RBM41: variants seen among roughly 807,000 people sequenced by gnomAD.
RBM41 encodes RNA binding motif protein 41, also known as RNA-binding protein 41.
Under a neutral mutation model 30.8 loss-of-function variants are expected in RBM41, and 14 were observed. That is an observed-to-expected ratio of 0.45 (90% CI 0.30 to 0.71). RBM41 has a LOEUF of 0.71. RBM41 is among the 30% of genes least tolerant of loss of function. The pLI is 0.08. For synonymous variants in RBM41, 120 were observed against 110.1 expected, an observed-to-expected ratio of 1.09 and a Z score of -0.56; for missense variants, 276 against 326.3, an observed-to-expected ratio of 0.85 and a Z score of 1.19.
At chrX:107,078,261 C>T (rs1409568781) in intron 6 of RBM41, among the ~76,000 whole-genome samples, 1 of 111,534 alleles carries the variant, frequency 9.0e-6, no homozygotes, top group Non-Finnish European at 1.9e-5. Flanking sequence ...TTCCTGCTTT[C>T]TCTTCCTGTA....
chrX:107,060,351 A>G (rs896499717), downstream of RBM41, among the ~76,000 whole-genome samples: 2 of 110,510 alleles, frequency 1.8e-5, no homozygotes, highest in African/African-American at 6.6e-5. Flanking sequence ...GATAGTATTA[A>G]GTGGTGGGTC....
rs1275695777 is a variant in RBM41, at chrX:107,105,456, C to T, written c.595+7941G>A. Among the ~76,000 whole-genome samples the T allele has an allele frequency of 2.8e-5, 3 of 107,141 alleles. No individual in the cohort carries two copies. The East Asian group carries it at 8.8e-4, about 31-fold the overall frequency. The allele number at this position is 107,141 out of a possible 115,157, so 93.0% of individuals were successfully genotyped here. On this transcript the variant is annotated intron_variant, in intron 5 of 7. Transcript: ENST00000685964. ...TGGCCATACTGCCCAAGGTAATTTA[C>T]AGATTCAATGCCATCCCCATCAAGC...
At chrX:107,109,116 G>A (rs1488746888) in intron 5 of RBM41, among the ~76,000 whole-genome samples, 4 of 110,809 alleles carry the variant, frequency 3.6e-5, no homozygotes, top group Non-Finnish European at 7.6e-5. Flanking sequence ...AGTAAAAGAG[G>A]CAAGAAGTTA....
chrX:107,110,472 C>T (rs898654159), intron 5 of RBM41, among the ~76,000 whole-genome samples: 12 of 111,262 alleles, frequency 1.1e-4, no homozygotes, highest in Admixed American at 2.9e-4. Flanking sequence ...ATAGACATCC[C>T]ATGTTCATGA....
At position 107,062,757 on chromosome X, in the gene RBM41, CTA is replaced by C. The variant is rs1479480367; in HGVS notation, c.*4768_*4769del. On this transcript the variant is annotated 3_prime_UTR_variant, in exon 8 of 8. Transcript: ENST00000685964. ...CCCACTTCCAAAGGTTTATAACTTT[CTA>C]TGTCTATTTCCCAGCTTTTTCTTAA... Among the ~76,000 whole-genome samples, 5 of 111,910 alleles carry C rather than the reference CTA, an allele frequency of 4.5e-5. No homozygotes were observed. Among genetic ancestry groups the C allele is most frequent in the East Asian group, 5.7e-4 (2 of 3,528 alleles).
intron 5 of RBM41, among the ~76,000 whole-genome samples, chrX:107,111,888 G>C (rs1214697333): frequency 9.0e-6 from 1 of 111,413 alleles, no homozygotes; most frequent in East Asian, 2.8e-4. Flanking sequence ...AGAAAACGGG[G>C]AGTTAGTATC....
chrX:107,054,780 C>T, the RBM41 span, among the ~76,000 whole-genome samples: 11 of 111,881 alleles, frequency 9.8e-5, no homozygotes, highest in Admixed American at 1.9e-4. Context: ...GGTTTGGAAA[C>T]CTTGTAGCCA....
chrX:107,096,435 G>A (rs1326821884), intron 5 of RBM41, among the ~76,000 whole-genome samples: 2 of 112,192 alleles, frequency 1.8e-5, no homozygotes, highest in Non-Finnish European at 3.8e-5. Context: ...GAACCAAGTT[G>A]AGTGTCCAGA....
In RBM41 at chrX:107,064,017, T is replaced by C. The variant is rs140374292; in HGVS notation, c.*3510A>G. 0.018 allele frequency among the ~76,000 whole-genome samples: 1,878 copies of C among 103,437 alleles called. 64 individuals carry two copies. Among genetic ancestry groups the C allele is most frequent in the African/African-American group, 0.063 (1,769 of 28,200 alleles). The allele number at this position is 103,437 out of a possible 115,157, so 89.8% of individuals were successfully genotyped here. A position where few individuals can be genotyped will look rare whatever the true frequency, so the allele number is the denominator to read the frequency against. Reference sequence around the variant, plus strand: ...CCCAGGCTGGAGTGCAGTGGTGCAATCTTGGCTCACTGCAAGCTCTGCCTC... The same window carrying C: ...CCCAGGCTGGAGTGCAGTGGTGCAACCTTGGCTCACTGCAAGCTCTGCCTC... On this transcript the variant is annotated 3_prime_UTR_variant, in exon 8 of 8. Transcript: ENST00000685964.
At chrX:107,071,608 A>G (rs1467678269) in intron 6 of RBM41, among the ~76,000 whole-genome samples, 1 of 112,165 alleles carries the variant, frequency 8.9e-6, no homozygotes, top group Non-Finnish European at 1.9e-5. Context: ...ACATACAAAA[A>G]TTGATCAATG....
At chrX:107,054,570 A>G in the RBM41 span, among the ~76,000 whole-genome samples, 1 of 111,556 alleles carries the variant, frequency 9.0e-6, no homozygotes, top group Admixed American at 9.5e-5. Flanking sequence ...AGTGTATATA[A>G]TGGTCTGGCT....
intron 6 of RBM41, among the ~76,000 whole-genome samples, chrX:107,080,964 G>A (rs1210097306): frequency 9.0e-6 from 1 of 111,535 alleles, no homozygotes; most frequent in Non-Finnish European, 1.9e-5. Flanking sequence ...TCTAGTCTGT[G>A]GCTTGTCTTT....
intron 5 of RBM41, among the ~76,000 whole-genome samples, chrX:107,102,548 C>T (rs1480071441): frequency 9.0e-6 from 1 of 111,414 alleles, no homozygotes; most frequent in Non-Finnish European, 1.9e-5. Flanking sequence ...TGTAGAGAAA[C>T]CTCATGTCTA....
chrX:107,085,691 A>G (rs775322981), intron 6 of RBM41, among the ~76,000 whole-genome samples: 2 of 112,118 alleles, frequency 1.8e-5, no homozygotes, highest in South Asian at 7.5e-4. Flanking sequence ...TCTTAAGTCT[A>G]TAGGCCACTG....
At chrX:107,106,089 G>A (rs1406692468) in intron 5 of RBM41, among the ~76,000 whole-genome samples, 1 of 111,612 alleles carries the variant, frequency 9.0e-6, no homozygotes, top group African/African-American at 3.3e-5. Context: ...GCAATCTACA[G>A]AATGGGAGAA....
chrX:107,067,815 G>C, intron 7 of RBM41, 122 bp from the exon 8 acceptor site: 3 of 790,410 alleles, frequency 3.8e-6, no homozygotes, highest in Non-Finnish European at 4.9e-6. Flanking sequence ...ATAGTCATTT[G>C]ATTTGATCAT....
intron 5 of RBM41, among the ~76,000 whole-genome samples, chrX:107,099,145 T>C (rs1290248138): frequency 1.8e-5 from 2 of 111,935 alleles, no homozygotes; most frequent in Non-Finnish European, 3.8e-5. Flanking sequence ...AATTGGAATA[T>C]ACATTTTCAA....
At chrX:107,097,506 C>A in intron 5 of RBM41, among the ~76,000 whole-genome samples, 1 of 111,071 alleles carries the variant, frequency 9.0e-6, no homozygotes, top group East Asian at 2.8e-4. Context: ...TGGTTTTATA[C>A]ATGTTTGACA....
chrX:107,109,363 TGA>T (rs1255002912), intron 5 of RBM41, among the ~76,000 whole-genome samples: 1 of 111,750 alleles, frequency 8.9e-6, no homozygotes, highest in Non-Finnish European at 1.9e-5. Flanking sequence ...TTTGCTGTCA[TGA>T]GACACACTTT....
Sources: gnomAD v4.1 joint callset for allele counts (sites outside exome capture counted in the v4.1 genomes callset) on GRCh38, gnomAD v4.1.1 for gene constraint, MANE v1.5 for transcripts, NCBI Gene and HGNC (gene_info 2026-07-23, HGNC 2026-07-21) for gene names.